STXBP5L: variants seen among roughly 807,000 people sequenced by gnomAD.
The protein encoded by STXBP5L is syntaxin-binding protein 5-like.
In STXBP5L, 65 loss-of-function variants were observed where a neutral mutation model predicts 144.5. That is an observed-to-expected ratio of 0.45 (90% CI 0.37 to 0.55). The LOEUF is 0.55. Among genes scored for constraint, STXBP5L ranks in the 20% least tolerant of loss-of-function variants. STXBP5L has a pLI of 0.00. For missense variants in STXBP5L, 1,298 were observed against 1,405.5 expected, an observed-to-expected ratio of 0.92 and a Z score of 1.22; for synonymous variants, 505 against 469.6, an observed-to-expected ratio of 1.08 and a Z score of -0.97.
chr3:121,090,912 G>A (rs921366068), intron 5 of STXBP5L, among the ~76,000 whole-genome samples: 33 of 143,576 alleles, frequency 2.3e-4, no homozygotes, highest in Admixed American at 6.5e-4. Context: ...ATATCTCCCA[G>A]TGCTATCCCT....
intron 8 of STXBP5L, 25 bp from the exon 9 acceptor site, chr3:121,157,479 C>T (rs759116573): frequency 2.5e-4 from 391 of 1,545,862 alleles, no homozygotes; most frequent in Non-Finnish European, 3.3e-4. Context: ...TCCCCCTCTA[C>T]TTGTTTTAAT....
At chr3:121,129,858 A>G (rs2107889712) in intron 7 of STXBP5L, among the ~76,000 whole-genome samples, 1 of 152,134 alleles carries the variant, frequency 6.6e-6, no homozygotes, top group East Asian at 1.9e-4. Context: ...AGAAAATACC[A>G]CAAAGATCCA....
chr3:121,345,422 G>A (rs1359894984), intron 20 of STXBP5L, among the ~76,000 whole-genome samples: 1 of 152,072 alleles, frequency 6.6e-6, no homozygotes, highest in Admixed American at 6.6e-5. Flanking sequence ...TGGACATTTG[G>A]ATTGTTTCCA....
intron 10 of STXBP5L, 76 bp from the exon 11 acceptor site, chr3:121,222,927 C>G: frequency 2.0e-6 from 3 of 1,472,702 alleles, no homozygotes; most frequent in Non-Finnish European, 2.7e-6. Context: ...AAAACCTGTT[C>G]TTTATAGGTT....
chr3:121,342,345 TA>T (rs1211489526), intron 20 of STXBP5L, among the ~76,000 whole-genome samples: 2 of 152,160 alleles, frequency 1.3e-5, no homozygotes, highest in Non-Finnish European at 2.9e-5. Context: ...ACTAGAATAC[TA>T]TTTTTTTATT....
chr3:121,384,154 A>T (rs1373474824), intron 22 of STXBP5L, among the ~76,000 whole-genome samples: 1 of 152,140 alleles, frequency 6.6e-6, no homozygotes, highest in Non-Finnish European at 1.5e-5. Context: ...AGCACTGGGG[A>T]TACAGTGGTC....
At chr3:121,377,204 T>C (rs868842212) in intron 20 of STXBP5L, among the ~76,000 whole-genome samples, 1 of 152,184 alleles carries the variant, frequency 6.6e-6, no homozygotes, top group Non-Finnish European at 1.5e-5. Flanking sequence ...TCTTTTCCTA[T>C]TTGAATACCC....
intron 20 of STXBP5L, among the ~76,000 whole-genome samples, chr3:121,322,282 C>G (rs1178686367): frequency 6.6e-6 from 1 of 151,956 alleles, no homozygotes; most frequent in African/African-American, 2.4e-5. Context: ...GGTTTGAGAC[C>G]AGCCTAACCA....
chr3:120,976,090 C>G (rs935387839), intron 3 of STXBP5L, among the ~76,000 whole-genome samples: 1 of 152,010 alleles, frequency 6.6e-6, no homozygotes, highest in South Asian at 2.1e-4. Context: ...TCCTCTTTTT[C>G]TATTGATTGG....
chr3:121,354,990 T>C (rs987950220), intron 20 of STXBP5L, among the ~76,000 whole-genome samples: 8 of 152,196 alleles, frequency 5.3e-5, no homozygotes, highest in African/African-American at 9.7e-5. Context: ...GGTTGAAAAT[T>C]CTTTAAGAAT....
intron 5 of STXBP5L, among the ~76,000 whole-genome samples, chr3:121,103,231 A>T (rs909765886): frequency 4.6e-5 from 7 of 152,050 alleles, no homozygotes; most frequent in Admixed American, 4.6e-4. Flanking sequence ...TTCTACCAAA[A>T]TGTCACATGT....
intron 6 of STXBP5L, among the ~76,000 whole-genome samples, chr3:121,118,453 C>A (rs114265094): frequency 6.6e-6 from 1 of 151,576 alleles, no homozygotes; most frequent in Non-Finnish European, 1.5e-5. Context: ...TTAAGTACTG[C>A]AGTTTATAGT....
At position 121,349,432 on chromosome 3, in the gene STXBP5L, C is replaced by G. The variant is rs905487045; in HGVS notation, c.2177-29284C>G. Among the ~76,000 whole-genome samples the G allele has an allele frequency of 4.6e-5, 7 of 151,724 alleles. 1 individual carries two copies. The highest frequency in any genetic ancestry group is 1.5e-4 in the African/African-American group (6 of 41,264). The stretch of plus-strand genomic sequence containing the variant: ...TGTGGTGCTGAGAAGAATGTATATT[C>G]TGTTGATTTGGGGTGGAGAGTTCTG... On this transcript the variant is annotated intron_variant, in intron 20 of 26. Coordinates refer to ENST00000471454, the MANE Select transcript of STXBP5L (RefSeq NM_001308330.2).
At chr3:121,315,663 AG>A (rs1224137529) in intron 19 of STXBP5L, among the ~76,000 whole-genome samples, 1 of 152,044 alleles carries the variant, frequency 6.6e-6, no homozygotes, top group African/African-American at 2.4e-5. Context: ...AGCTCATCAA[AG>A]TAAAAAAAAA....
chr3:121,059,113 G>A (rs1269025551), intron 5 of STXBP5L, among the ~76,000 whole-genome samples: 3 of 152,084 alleles, frequency 2.0e-5, no homozygotes, highest in East Asian at 1.9e-4. Flanking sequence ...TAGGTCTTAC[G>A]TTTAAGTCTT....
At chr3:121,336,012 A>G (rs559192505) in intron 20 of STXBP5L, among the ~76,000 whole-genome samples, 1 of 152,328 alleles carries the variant, frequency 6.6e-6, no homozygotes, top group Non-Finnish European at 1.5e-5. Flanking sequence ...ATATTTTCAA[A>G]CTATGCATCT....
At chr3:121,301,606 G>A (rs925316638) in intron 19 of STXBP5L, among the ~76,000 whole-genome samples, 2 of 152,166 alleles carry the variant, frequency 1.3e-5, no homozygotes, top group African/African-American at 4.8e-5. Context: ...GTGAGAGAGG[G>A]CATCCCTGTC....
At chr3:121,290,154 A>G (rs2051375621) in intron 19 of STXBP5L, among the ~76,000 whole-genome samples, 1 of 152,160 alleles carries the variant, frequency 6.6e-6, no homozygotes, top group Non-Finnish European at 1.5e-5. Context: ...ACAGAACATT[A>G]ATGATATTAA....
At chr3:120,981,380 G>C (rs1047756121) in intron 3 of STXBP5L, among the ~76,000 whole-genome samples, 1 of 151,980 alleles carries the variant, frequency 6.6e-6, no homozygotes, top group Non-Finnish European at 1.5e-5. Context: ...CAAAGGCTCT[G>C]CTCATTTTTA....
Sources: allele counts gnomAD v4.1 joint callset (sites outside exome capture counted in the v4.1 genomes callset), GRCh38; gene constraint gnomAD v4.1.1; transcripts MANE v1.5; gene names NCBI Gene and HGNC (gene_info 2026-07-23, HGNC 2026-07-21).